EXOC6B: variants seen among roughly 807,000 people sequenced by gnomAD.
EXOC6B encodes the protein exocyst complex component 6B.
Under a neutral mutation model 113.5 loss-of-function variants are expected in EXOC6B, and 54 were observed. That is an observed-to-expected ratio of 0.48 (90% confidence interval 0.38 to 0.60). The LOEUF (loss-of-function observed/expected upper bound fraction) is 0.60, where lower values mean the gene tolerates loss of function less well. Ranked by LOEUF, EXOC6B falls within the 20% of genes least tolerant of loss-of-function variation. The pLI is 0.00. For missense variants in EXOC6B, 797 were observed against 977.5 expected (o/e 0.82, Z 2.46); for synonymous variants, 357 against 339.0 (o/e 1.05, Z -0.58).
chr2:72,496,202 C>T (rs1700026561), intron 14 of EXOC6B, among the ~76,000 whole-genome samples: 1 of 152,110 alleles, frequency 6.6e-6, no homozygotes, highest in Admixed American at 6.6e-5. Flanking sequence ...CCAAACACTT[C>T]AGAGGTAATA....
At chr2:72,262,472 A>G (rs1468210203) in intron 20 of EXOC6B, among the ~76,000 whole-genome samples, 1 of 152,174 alleles carries the variant, frequency 6.6e-6, no homozygotes, top group Non-Finnish European at 1.5e-5. Context: ...TTCAGTCTAC[A>G]GCCATACCAC....
chr2:72,536,716 A>T (rs1702310470), intron 8 of EXOC6B, among the ~76,000 whole-genome samples: 1 of 152,220 alleles, frequency 6.6e-6, no homozygotes, highest in Non-Finnish European at 1.5e-5. Flanking sequence ...TCTTTGAGAT[A>T]TGGGCCATCA....
chr2:72,704,584 G>A (rs1272462684), intron 6 of EXOC6B, among the ~76,000 whole-genome samples: 1 of 151,840 alleles, frequency 6.6e-6, no homozygotes, highest in Non-Finnish European at 1.5e-5. Context: ...CCGCTAGCAA[G>A]ACTAACAAAG....
At chr2:72,372,609 G>C (rs960365631) in intron 19 of EXOC6B, among the ~76,000 whole-genome samples, 20 of 152,164 alleles carry the variant, frequency 1.3e-4, no homozygotes, top group Admixed American at 3.9e-4. Context: ...ACTTTGGGAG[G>C]CCGAGGTGGG....
At chr2:72,246,739 A>G (rs970169476) in intron 20 of EXOC6B, among the ~76,000 whole-genome samples, 2 of 151,980 alleles carry the variant, frequency 1.3e-5, no homozygotes, top group African/African-American at 4.8e-5. Context: ...CAGCCTCCCA[A>G]AGCACTGGGT....
chr2:72,781,746 A>T (rs994977631), intron 1 of EXOC6B, among the ~76,000 whole-genome samples: 8 of 152,160 alleles, frequency 5.3e-5, no homozygotes, highest in Non-Finnish European at 1.0e-4. Context: ...CATACGACTT[A>T]AACTCATATA....
intron 18 of EXOC6B, among the ~76,000 whole-genome samples, chr2:72,433,151 T>C (rs1695647462): frequency 6.6e-6 from 1 of 152,246 alleles, no homozygotes; most frequent in Non-Finnish European, 1.5e-5. Context: ...CCCAACATCA[T>C]TTATTAAATA....
intron 20 of EXOC6B, among the ~76,000 whole-genome samples, chr2:72,220,674 A>G (rs140421997): frequency 1.3e-3 from 203 of 152,264 alleles, no homozygotes; most frequent in African/African-American, 4.6e-3. Flanking sequence ...CATCATATCA[A>G]AGAAAATATT....
chr2:72,271,981 C>T (rs901848693), intron 20 of EXOC6B, among the ~76,000 whole-genome samples: 1 of 152,098 alleles, frequency 6.6e-6, no homozygotes, highest in Non-Finnish European at 1.5e-5. Flanking sequence ...CCTCCACTTA[C>T]GTACATGCTG....
chr2:72,452,174 T>C (rs1435821252), intron 18 of EXOC6B, among the ~76,000 whole-genome samples: 1 of 152,176 alleles, frequency 6.6e-6, no homozygotes, highest in Admixed American at 6.5e-5. Flanking sequence ...TGAAGTGGAA[T>C]TATAAGAAAT....
chr2:72,455,227 C>T (rs1425468666), intron 18 of EXOC6B, among the ~76,000 whole-genome samples: 3 of 152,126 alleles, frequency 2.0e-5, no homozygotes, highest in Admixed American at 6.6e-5. Context: ...AAATTACAGT[C>T]ATTTTTATCA....
intron 15 of EXOC6B, among the ~76,000 whole-genome samples, chr2:72,492,975 G>C (rs1047710436): frequency 6.6e-6 from 1 of 152,020 alleles, no homozygotes; most frequent in Non-Finnish European, 1.5e-5. Context: ...TTAATTTAAA[G>C]TATTTCCTCT....
At chr2:72,653,282 CATT>C (rs1312337228) in intron 6 of EXOC6B, among the ~76,000 whole-genome samples, 5 of 149,262 alleles carry the variant, frequency 3.3e-5, no homozygotes, top group African/African-American at 1.2e-4. Flanking sequence ...TGGAAATCAT[CATT>C]CTCAGTAAAC....
At chr2:72,813,874 TA>T (rs1052413771) in intron 1 of EXOC6B, among the ~76,000 whole-genome samples, 1 of 152,194 alleles carries the variant, frequency 6.6e-6, no homozygotes, top group Admixed American at 6.5e-5. Context: ...ATGTGTGTTT[TA>T]AAATTCTAAG....
chr2:72,601,724 T>C lies in EXOC6B; in HGVS notation c.670-26056A>G, dbSNP rs373458450. ...GTCCACAAAAAAACCTGCAAACAAA[T>C]GTTTATAGCAGCTGTATTCATAATG... On this transcript the variant is annotated intron_variant, in intron 6 of 21. Transcript: ENST00000272427. Among the ~76,000 whole-genome samples, 23 of 152,280 alleles carry C rather than the reference T, an allele frequency of 1.5e-4. 2 individuals carry two copies. Among genetic ancestry groups the C allele is most frequent in the African/African-American group, 4.6e-4 (19 of 41,562 alleles).
At chr2:72,703,837 G>A (rs1678624481) in intron 6 of EXOC6B, among the ~76,000 whole-genome samples, 1 of 142,990 alleles carries the variant, frequency 7.0e-6, no homozygotes, top group Non-Finnish European at 1.5e-5. Flanking sequence ...AGACGATGGG[G>A]TTTTCTAGAT....
At chr2:72,501,817 T>C (rs921521761) in intron 11 of EXOC6B, among the ~76,000 whole-genome samples, 2 of 151,000 alleles carry the variant, frequency 1.3e-5, no homozygotes, top group Non-Finnish European at 2.9e-5. Flanking sequence ...TGGAGTGCAG[T>C]GGCAGGATCA....
chr2:72,643,587 G>A (rs1558874217), intron 6 of EXOC6B, among the ~76,000 whole-genome samples: 1 of 136,268 alleles, frequency 7.3e-6, no homozygotes, highest in Non-Finnish European at 1.6e-5. Context: ...CACAGGAAGG[G>A]GAACATCACA....
intron 19 of EXOC6B, among the ~76,000 whole-genome samples, chr2:72,348,085 A>G (rs998505630): frequency 6.6e-6 from 1 of 152,186 alleles, no homozygotes; most frequent in Non-Finnish European, 1.5e-5. Flanking sequence ...GAACTCCAAG[A>G]TCAAGGCACC....
Sources: gnomAD v4.1 joint callset for allele counts (sites outside exome capture counted in the v4.1 genomes callset) on GRCh38, gnomAD v4.1.1 for gene constraint, MANE v1.5 for transcripts, NCBI Gene and HGNC (gene_info 2026-07-23, HGNC 2026-07-21) for gene names.